The following GPC3 variants were observed in gnomAD, a reference collection of about 807,000 sequenced individuals.
The protein encoded by GPC3 is glypican 3.
A neutral mutation model predicts 34.4 loss-of-function variants in GPC3; 3 were observed. The observed-to-expected ratio is 0.09, with a 90% CI of 0.04 to 0.23. The LOEUF (loss-of-function observed/expected upper bound fraction) is 0.23. Ranked by LOEUF, GPC3 falls within the 10% of genes least tolerant of loss-of-function variation. The pLI, the probability that GPC3 is intolerant of heterozygous loss-of-function variation, is 1.00. For synonymous variants in GPC3, 177 were observed against 174.0 expected (o/e 1.02, Z -0.13); for missense variants, 351 against 445.6 (o/e 0.79, Z 1.91).
At chrX:133,761,203 C>T (rs2071787144) in intron 2 of GPC3, among the ~76,000 whole-genome samples, 1 of 111,845 alleles carries the variant, frequency 8.9e-6, no homozygotes, top group Non-Finnish European at 1.9e-5. Flanking sequence ...ATAGGTAACA[C>T]ATTTCAATGT....
intron 1 of GPC3, among the ~76,000 whole-genome samples, chrX:133,970,371 T>G (rs1036669762): frequency 9.0e-6 from 1 of 111,683 alleles, no homozygotes; most frequent in African/African-American, 3.3e-5. Context: ...TTATATTTCC[T>G]AGCCAGGACC....
intron 5 of GPC3, among the ~76,000 whole-genome samples, chrX:133,687,092 A>ATTTTTTTTTTTTTTTTTTTTT: frequency 1.4e-5 from 1 of 69,280 alleles, no homozygotes; most frequent in Non-Finnish European, 2.4e-5. Flanking sequence ...TGGCCGGCTA[A>ATTTTTTTTTTTTTTTTTTTTT]TTTTTTTTTT....
chrX:133,731,364 C>A (rs1453924540), intron 3 of GPC3, among the ~76,000 whole-genome samples: 1 of 112,763 alleles, frequency 8.9e-6, no homozygotes, highest in Admixed American at 9.4e-5. Flanking sequence ...ATTTCACTTT[C>A]CCCTGTAAGT....
chrX:133,555,588 G>T (rs1459789238), intron 7 of GPC3, among the ~76,000 whole-genome samples: 1 of 111,696 alleles, frequency 9.0e-6, no homozygotes, highest in Non-Finnish European at 1.9e-5. Flanking sequence ...AGCACTTTGG[G>T]AGGCCAAGGT....
intron 2 of GPC3, among the ~76,000 whole-genome samples, chrX:133,841,634 G>C (rs2075824852): frequency 2.7e-5 from 3 of 111,366 alleles, no homozygotes; most frequent in African/African-American, 9.8e-5. Flanking sequence ...ATACGGATTT[G>C]AGACCTCAGC....
intron 1 of GPC3, among the ~76,000 whole-genome samples, chrX:133,978,412 A>G (rs1344550900): frequency 8.9e-6 from 1 of 112,402 alleles, no homozygotes; most frequent in Admixed American, 9.4e-5. Flanking sequence ...ATATGCATTT[A>G]TACATACATG....
At chrX:133,973,179 C>G (rs1302515664) in intron 1 of GPC3, among the ~76,000 whole-genome samples, 1 of 111,718 alleles carries the variant, frequency 9.0e-6, no homozygotes, top group Admixed American at 9.5e-5. Flanking sequence ...GAATTTAAGT[C>G]AAATACTTTA....
chrX:133,871,945 C>G (rs1276637796), intron 2 of GPC3, among the ~76,000 whole-genome samples: 1 of 111,289 alleles, frequency 9.0e-6, no homozygotes, highest in Non-Finnish European at 1.9e-5. Flanking sequence ...CCACAGCCAC[C>G]CTCCCCACCT....
At chrX:133,752,105 C>A (rs1389549994) in intron 3 of GPC3, among the ~76,000 whole-genome samples, 1 of 110,633 alleles carries the variant, frequency 9.0e-6, no homozygotes, top group African/African-American at 3.3e-5. Flanking sequence ...CAGCCTCAAA[C>A]AACCCTCCCG....
Position 133,620,367 on chromosome X carries a change from C to A in GPC3, c.1414-23768G>T, listed in dbSNP as rs532119096. On this transcript the variant is annotated intron_variant, in intron 6 of 7. Transcript: ENST00000370818. ...TTGCCTGAGAACTATGATGCCAGCA[C>A]ATCAATTATCTTATTACACCAAAAA... Among the ~76,000 whole-genome samples, 5 of 110,931 alleles carry A rather than the reference C, an allele frequency of 4.5e-5. No homozygotes were observed. The East Asian group carries it at 1.4e-3, about 31-fold the overall frequency.
intron 6 of GPC3, among the ~76,000 whole-genome samples, chrX:133,661,013 T>A (rs2124400241): frequency 9.1e-6 from 1 of 109,364 alleles, no homozygotes; most frequent in African/African-American, 3.3e-5. Flanking sequence ...TACAAAAAAA[T>A]TAAACATTAG....
At chrX:133,638,339 C>T (rs2070448859) in intron 6 of GPC3, among the ~76,000 whole-genome samples, 1 of 111,908 alleles carries the variant, frequency 8.9e-6, no homozygotes, top group Non-Finnish European at 1.9e-5. Flanking sequence ...CCCTCGCCTG[C>T]CAGTCTTTTC....
At chrX:133,741,907 G>A (rs1340931068) in intron 3 of GPC3, among the ~76,000 whole-genome samples, 1 of 113,070 alleles carries the variant, frequency 8.8e-6, no homozygotes, top group African/African-American at 3.2e-5. Flanking sequence ...CTGAATGAAT[G>A]TTCTTTATAA....
At chrX:133,798,771 G>T (rs1025052204) in intron 2 of GPC3, among the ~76,000 whole-genome samples, 1 of 112,022 alleles carries the variant, frequency 8.9e-6, no homozygotes, top group African/African-American at 3.2e-5. Context: ...GTCCTTGGAA[G>T]GGAAAGCTAT....
chrX:133,663,684 A>G (rs1176975058), intron 5 of GPC3, among the ~76,000 whole-genome samples: 6 of 111,401 alleles, frequency 5.4e-5, no homozygotes, highest in African/African-American at 2.0e-4. Flanking sequence ...TTGAATTTCA[A>G]TTTTCAGTCA....
intron 2 of GPC3, among the ~76,000 whole-genome samples, chrX:133,907,185 C>T (rs1398639711): frequency 1.8e-5 from 2 of 111,204 alleles, no homozygotes; most frequent in African/African-American, 6.5e-5. Context: ...CATACGTTTA[C>T]ATATATGTTT....
intron 6 of GPC3, among the ~76,000 whole-genome samples, chrX:133,618,529 T>C (rs1043751053): frequency 1.4e-4 from 15 of 109,785 alleles, no homozygotes; most frequent in Non-Finnish European, 3.8e-5. Flanking sequence ...CAAAAATAAA[T>C]TCAAAATAGA....
chrX:133,830,859 T>A (rs779635974), intron 2 of GPC3, among the ~76,000 whole-genome samples: 1 of 109,323 alleles, frequency 9.1e-6, no homozygotes, highest in Non-Finnish European at 1.9e-5. Flanking sequence ...GAGAAAGACA[T>A]TTATAGGACA....
At chrX:133,721,962 G>C (rs997277794) in intron 3 of GPC3, among the ~76,000 whole-genome samples, 1 of 110,662 alleles carries the variant, frequency 9.0e-6, no homozygotes, top group Non-Finnish European at 1.9e-5. Context: ...AGCACTTTGG[G>C]GCTTCAAAGG....
Sources: gnomAD v4.1 joint callset for allele counts (sites outside exome capture counted in the v4.1 genomes callset) on GRCh38, gnomAD v4.1.1 for gene constraint, MANE v1.5 for transcripts, NCBI Gene and HGNC (gene_info 2026-07-23, HGNC 2026-07-21) for gene names.